The following DGKB variants were observed in gnomAD, a reference collection of about 807,000 sequenced individuals.
DGKB encodes 90 kDa diacylglycerol kinase.
In DGKB, 67 loss-of-function variants were observed where a neutral mutation model predicts 114.3. That is an observed-to-expected ratio of 0.59 (90% CI 0.48 to 0.72). The LOEUF (loss-of-function observed/expected upper bound fraction) is 0.72. Ranked by LOEUF, DGKB falls within the 30% of genes least tolerant of loss-of-function variation. The probability of loss-of-function intolerance (pLI) is 0.00; values close to 1 mark genes in which losing one functional copy is unlikely to be tolerated. For missense variants in DGKB, 907 were observed against 975.2 expected (o/e 0.93, Z 0.93); for synonymous variants, 398 against 323.1 (o/e 1.23, Z -2.49).
intron 2 of DGKB, among the ~76,000 whole-genome samples, chr7:14,759,339 T>C (rs185189667): frequency 1.2e-3 from 188 of 152,310 alleles, no homozygotes; most frequent in Admixed American, 2.4e-3. Flanking sequence ...GTGCAATCAT[T>C]ACCTCTGATT....
At chr7:14,656,105 T>C (rs988486206) in intron 13 of DGKB, among the ~76,000 whole-genome samples, 3 of 151,674 alleles carry the variant, frequency 2.0e-5, no homozygotes, top group Middle Eastern at 3.2e-3. Flanking sequence ...AATCACTGCA[T>C]ATTTCATACA....
intron 5 of DGKB, among the ~76,000 whole-genome samples, chr7:14,731,890 C>T (rs1019843045): frequency 2.0e-5 from 3 of 152,010 alleles, no homozygotes; most frequent in African/African-American, 7.2e-5. Context: ...AATGCATTAG[C>T]GATATCTTCA....
chr7:14,924,250 T>C (rs1170510049), intron 1 of DGKB, among the ~76,000 whole-genome samples: 1 of 152,176 alleles, frequency 6.6e-6, no homozygotes, highest in African/African-American at 2.4e-5. Context: ...AGTTTGAAGC[T>C]TTTATTCCAC....
intron 5 of DGKB, among the ~76,000 whole-genome samples, chr7:14,729,183 C>T (rs111930084): frequency 0.28 from 38,599 of 138,224 alleles, 6,274 homozygotes; most frequent in African/African-American, 0.46. Flanking sequence ...AGTGCAGTGG[C>T]GCCATCTCGG....
chr7:14,727,865 T>A (rs149443089), intron 5 of DGKB, among the ~76,000 whole-genome samples: 2 of 152,280 alleles, frequency 1.3e-5, no homozygotes, highest in African/African-American at 4.8e-5. Context: ...AAGAGAAATA[T>A]CTTCTCAGCA....
chr7:14,899,792 C>A (rs2128236135), intron 1 of DGKB, among the ~76,000 whole-genome samples: 1 of 152,206 alleles, frequency 6.6e-6, no homozygotes, highest in East Asian at 1.9e-4. Flanking sequence ...CTCTCAAGCA[C>A]TATCCACCCA....
intron 25 of DGKB, chr7:14,176,315 C>CAA (rs34124255): frequency 0.16 from 156,813 of 979,800 alleles, 14,207 homozygotes; most frequent in East Asian, 0.44. Flanking sequence ...TTGAGAGGGG[C>CAA]AGTGTCTGCC....
chr7:14,347,909 A>G (rs1169106060), intron 21 of DGKB, among the ~76,000 whole-genome samples: 2 of 152,108 alleles, frequency 1.3e-5, no homozygotes, highest in Non-Finnish European at 2.9e-5. Context: ...TTTGTAAATT[A>G]TACCTTAATA....
At chr7:14,231,091 C>CTCTCTTTCTTTCTTTCTTTCTTTA (rs1791687822) in intron 23 of DGKB, among the ~76,000 whole-genome samples, 2 of 75,366 alleles carry the variant, frequency 2.7e-5, no homozygotes, top group Non-Finnish European at 5.2e-5. Context: ...CCCTTTCTTT[C>CTCTCTTTCTTTCTTTCTTTCTTTA]TTTCTTTCTT....
intron 1 of DGKB, among the ~76,000 whole-genome samples, chr7:14,876,008 T>C (rs1853229331): frequency 6.6e-6 from 1 of 152,156 alleles, no homozygotes; most frequent in Admixed American, 6.5e-5. Flanking sequence ...CCTTTATCAC[T>C]ATCCTGTCTA....
At chr7:14,939,091 T>C (rs1421594735) in intron 1 of DGKB, among the ~76,000 whole-genome samples, 1 of 152,176 alleles carries the variant, frequency 6.6e-6, no homozygotes, top group African/African-American at 2.4e-5. Flanking sequence ...GTTTTTTCTA[T>C]TTCTCTTTAT....
chr7:14,770,096 T>G (rs936685733), intron 2 of DGKB, among the ~76,000 whole-genome samples: 12 of 152,098 alleles, frequency 7.9e-5, no homozygotes, highest in Non-Finnish European at 1.5e-4. Context: ...AAACCTTCTC[T>G]GATGCATAGC....
rs189052869 is a variant in DGKB at position 14,163,988 on chromosome 7, T to G, written c.2304+12851A>C. On this transcript the variant is annotated intron_variant, in intron 25 of 25. Coordinates refer to ENST00000402815, the MANE Select transcript of DGKB (RefSeq NM_001350709.2). ...CCTGCCTGGGCAACAGCAGAGAAACTCCATCTCAAAAACAAAAAACAAACA... is the reference window on the plus strand; with the variant it reads ...CCTGCCTGGGCAACAGCAGAGAAACGCCATCTCAAAAACAAAAAACAAACA... Among the ~76,000 whole-genome samples, 6 of 147,950 alleles carry G rather than the reference T, an allele frequency of 4.1e-5. No individual in the cohort carries two copies. The East Asian group carries it at 1.2e-3, about 29-fold the overall frequency.
chr7:14,303,678 A>T (rs548131961), intron 23 of DGKB, among the ~76,000 whole-genome samples: 17 of 152,180 alleles, frequency 1.1e-4, no homozygotes, highest in Non-Finnish European at 2.2e-4. Flanking sequence ...ACAGGCATCA[A>T]AGTAAATCAG....
At chr7:14,155,276 C>G (rs1474294218) in intron 25 of DGKB, among the ~76,000 whole-genome samples, 1 of 152,048 alleles carries the variant, frequency 6.6e-6, no homozygotes, top group African/African-American at 2.4e-5. Flanking sequence ...TGTTAATGTA[C>G]TAGGTACCAG....
intron 13 of DGKB, among the ~76,000 whole-genome samples, chr7:14,651,224 T>G (rs553131428): frequency 0.011 from 1,717 of 152,208 alleles, 20 homozygotes; most frequent in African/African-American, 0.034. Context: ...ATATCCTTGA[T>G]GAACATTGAT....
chr7:14,368,630 C>T (rs1301287682), intron 21 of DGKB, among the ~76,000 whole-genome samples: 1 of 150,752 alleles, frequency 6.6e-6, no homozygotes, highest in Admixed American at 6.6e-5. Flanking sequence ...AATACACAAA[C>T]AGATATAAAG....
chr7:14,521,859 T>G (rs1323604859), intron 20 of DGKB, among the ~76,000 whole-genome samples: 1 of 152,176 alleles, frequency 6.6e-6, no homozygotes, highest in African/African-American at 2.4e-5. Context: ...GAACTTTTTA[T>G]GCAACATAAC....
rs368959651 is a variant in DGKB, at chr7:14,408,151, C to G, written c.1836-62760G>C. On this transcript the variant is annotated intron_variant, in intron 21 of 25. Coordinates refer to ENST00000402815, the MANE Select transcript of DGKB (RefSeq NM_001350709.2). ...CTCCTGACAAAGTAGGCACATCCCT[C>G]TTTCACGGTTTAATGATCAATTACT... is the stretch of plus-strand genomic sequence containing the variant. Among the ~76,000 whole-genome samples the G allele has an allele frequency of 2.0e-4, 31 of 152,238 alleles. No homozygotes were observed. The East Asian group carries it at 5.6e-3, about 28-fold the overall frequency.
Sources: gnomAD v4.1 joint callset for allele counts (sites outside exome capture counted in the v4.1 genomes callset) on GRCh38, gnomAD v4.1.1 for gene constraint, MANE v1.5 for transcripts, NCBI Gene and HGNC (gene_info 2026-07-23, HGNC 2026-07-21) for gene names.